EEA1: variants seen among roughly 807,000 people sequenced by gnomAD.
The protein encoded by EEA1 is early endosome antigen 1, also known as early endosome antigen 1, 162kD.
EEA1 carries 111 observed loss-of-function variants against 209.2 expected under a neutral mutation model. That is an observed-to-expected ratio of 0.53 (90% CI 0.45 to 0.62). The LOEUF is 0.62. Ranked by LOEUF, EEA1 falls within the 20% of genes least tolerant of loss-of-function variation. The probability of loss-of-function intolerance (pLI) is 0.00; values close to 1 mark genes in which losing one functional copy is unlikely to be tolerated. For synonymous variants in EEA1, 536 were observed against 540.6 expected (o/e 0.99, Z 0.12); for missense variants, 1,343 against 1,530.8 (o/e 0.88, Z 2.05).
At chr12:92,924,117 C>T (rs1245710510) in intron 1 of EEA1, among the ~76,000 whole-genome samples, 1 of 139,476 alleles carries the variant, frequency 7.2e-6, no homozygotes, top group Admixed American at 7.4e-5. Context: ...GACCCTGTTT[C>T]AAAAAAGAAA....
At chr12:92,825,267 CG>C (rs1215354953) in intron 13 of EEA1, among the ~76,000 whole-genome samples, 6 of 151,926 alleles carry the variant, frequency 3.9e-5, no homozygotes, top group Admixed American at 6.6e-5. Context: ...CTGGCTAACA[CG>C]GTGAAACCCC....
intron 1 of EEA1, among the ~76,000 whole-genome samples, chr12:92,902,417 T>C (rs73364445): frequency 0.017 from 2,579 of 152,210 alleles, 33 homozygotes; most frequent in East Asian, 0.04. Flanking sequence ...GCAAGGCAAC[T>C]ATCCCTTGCA....
At chr12:92,881,120 C>T (rs981043645) in intron 2 of EEA1, among the ~76,000 whole-genome samples, 66 of 152,152 alleles carry the variant, frequency 4.3e-4, no homozygotes, top group African/African-American at 1.4e-3. Flanking sequence ...TTTTAGAAAA[C>T]GGGCTCAGTG....
chr12:92,892,397 T>C (rs1035822227), intron 1 of EEA1, among the ~76,000 whole-genome samples: 33 of 151,982 alleles, frequency 2.2e-4, no homozygotes, highest in African/African-American at 7.7e-4. Context: ...CAGTCCACCA[T>C]TGTACTGTCA....
chr12:92,842,563 TTAGC>T lies in EEA1; in HGVS notation c.813_816del (p.Leu272GlyfsTer21). ...TGGGGGCCTTTGGCAAGTTCACTCC[TTAGC>T]TGGCTTATTGTGGCCTAACAAAACA... On this transcript the variant is annotated frameshift_variant, in exon 10 of 29. Coordinates refer to ENST00000322349, the MANE Select transcript of EEA1 (RefSeq NM_003566.4). LOFTEE classifies it high-confidence loss of function. 1 of 1,600,470 alleles carries T rather than the reference TTAGC, an allele frequency of 6.2e-7. No individual in the cohort carries two copies. The highest frequency in any genetic ancestry group is 8.5e-7 in the Non-Finnish European group (1 of 1,173,268).
At chr12:92,867,666 G>T (rs1349878222) in intron 2 of EEA1, among the ~76,000 whole-genome samples, 1 of 152,054 alleles carries the variant, frequency 6.6e-6, no homozygotes, top group Non-Finnish European at 1.5e-5. Context: ...ACTGTTTATT[G>T]GGGATACTGA....
chr12:92,799,252 G>A (rs1485169215), intron 20 of EEA1, among the ~76,000 whole-genome samples, 166 bp from the exon 21 acceptor site: 1 of 152,162 alleles, frequency 6.6e-6, no homozygotes, highest in Non-Finnish European at 1.5e-5. Flanking sequence ...AATTACTGAG[G>A]CTGTTGGCTA....
chr12:92,874,779 A>G (rs1878805733), intron 2 of EEA1, among the ~76,000 whole-genome samples: 2 of 152,258 alleles, frequency 1.3e-5, no homozygotes, highest in Admixed American at 6.5e-5. Context: ...CTGGTATTCT[A>G]CCATGCAGTA....
At chr12:92,860,234 T>C (rs1398304279) in intron 3 of EEA1, among the ~76,000 whole-genome samples, 1 of 152,230 alleles carries the variant, frequency 6.6e-6, no homozygotes, top group East Asian at 1.9e-4. Flanking sequence ...CCTGAGGGTC[T>C]GAAGGTTGCA....
intron 1 of EEA1, among the ~76,000 whole-genome samples, chr12:92,919,045 GGAA>G (rs1342140602): frequency 3.5e-5 from 5 of 143,216 alleles, no homozygotes; most frequent in African/African-American, 1.3e-4. Context: ...GACTAAACCA[GGAA>G]GAAGTTGAAT....
At chr12:92,901,637 G>A (rs1200257469) in intron 1 of EEA1, among the ~76,000 whole-genome samples, 1 of 146,748 alleles carries the variant, frequency 6.8e-6, no homozygotes, top group African/African-American at 2.5e-5. Context: ...GCATTATCTT[G>A]GCTCACTGCA....
intron 2 of EEA1, among the ~76,000 whole-genome samples, chr12:92,879,888 C>G (rs1441212859): frequency 1.3e-5 from 2 of 152,202 alleles, no homozygotes; most frequent in Non-Finnish European, 2.9e-5. Flanking sequence ...CAGGCACAGT[C>G]CCTGCTTATC....
intron 2 of EEA1, among the ~76,000 whole-genome samples, chr12:92,877,703 G>A (rs1317194662): frequency 1.3e-5 from 2 of 151,844 alleles, no homozygotes; most frequent in Non-Finnish European, 2.9e-5. Flanking sequence ...AGTAGAGATG[G>A]GGTTTCACCA....
chr12:92,785,794 T>A (rs1265191656), intron 22 of EEA1, among the ~76,000 whole-genome samples: 2 of 152,176 alleles, frequency 1.3e-5, no homozygotes, highest in Non-Finnish European at 2.9e-5. Context: ...GAATAGAGGA[T>A]CTATCCAAGG....
chr12:92,836,044 A>G (rs1182984370), intron 10 of EEA1, among the ~76,000 whole-genome samples: 1 of 152,200 alleles, frequency 6.6e-6, no homozygotes, highest in East Asian at 1.9e-4. Context: ...AGTGAAATTC[A>G]TTAAAAAATA....
intron 18 of EEA1, 40 bp downstream of exon 18, chr12:92,808,977 A>G (rs772636937): frequency 6.5e-7 from 1 of 1,542,694 alleles, no homozygotes. Context: ...TTAGTTCACA[A>G]TCTTTTCCCT....
intron 19 of EEA1, 143 bp from the exon 20 acceptor site, chr12:92,801,844 T>C (rs1291413553): frequency 1.0e-5 from 5 of 496,320 alleles, no homozygotes; most frequent in Non-Finnish European, 1.6e-5. Flanking sequence ...TCCATTTCAA[T>C]GATAAAACTA....
chr12:92,780,337 T>C lies in EEA1; in HGVS notation c.3411A>G (p.Glu1137=), dbSNP rs1386531712. 6 of 1,604,252 alleles carry C rather than the reference T, an allele frequency of 3.7e-6. No individual in the cohort carries two copies. The East Asian group carries it at 6.8e-5, about 18-fold the overall frequency. The stretch of plus-strand genomic sequence containing the variant: ...CTTCGTTTAGTTTAGTGATTTCTTT[T>C]TCTTGTCTACATTTAATTTCTTCTA... ...AEIEEIKCRQ[E]KEITKLNEEL... is the part of the protein sequence containing the mutation. Residue 1137 remains glutamate (E), a synonymous_variant, in exon 24 of 29, where the codon GAA becomes GAG. Transcript: ENST00000322349.
chr12:92,780,545 C>T, intron 23 of EEA1, 134 bp from the exon 24 acceptor site: 1 of 567,196 alleles, frequency 1.8e-6, no homozygotes, highest in South Asian at 2.5e-5. Context: ...AATTACTTAC[C>T]CTCTCTTGGT....
Sources: gnomAD v4.1 joint callset for allele counts (sites outside exome capture counted in the v4.1 genomes callset) on GRCh38, gnomAD v4.1.1 for gene constraint, MANE v1.5 for transcripts, NCBI Gene and HGNC (gene_info 2026-07-23, HGNC 2026-07-21) for gene names.